Variants in SV2C observed in about 807,000 individuals in gnomAD.
SV2C encodes the protein solute carrier family 22 member B3.
A neutral mutation model predicts 79.7 loss-of-function variants in SV2C; 49 were observed. That is an observed-to-expected ratio of 0.61 (90% CI 0.49 to 0.78). The LOEUF (loss-of-function observed/expected upper bound fraction) is 0.78, where lower values mean the gene tolerates loss of function less well. Among genes scored for constraint, SV2C ranks in the 30% least tolerant of loss-of-function variants. SV2C has a pLI of 0.00. For missense variants in SV2C, 833 were observed against 912.9 expected (o/e 0.91, Z 1.13); for synonymous variants, 334 against 333.2 (o/e 1.00, Z -0.03).
chr5:75,933,677 G>T, the SV2C span, among the ~76,000 whole-genome samples: 77 of 152,340 alleles, frequency 5.1e-4, no homozygotes, highest in East Asian at 0.011. Context: ...TCTGCATGCA[G>T]CAGGAACCAT....
At chr5:76,110,661 A>T (rs2112138229) in intron 1 of SV2C, among the ~76,000 whole-genome samples, 1 of 152,348 alleles carries the variant, frequency 6.6e-6, no homozygotes, top group South Asian at 2.1e-4. Flanking sequence ...TGGGCACAGG[A>T]GCCAGCCTAG....
At chr5:75,945,019 A>G in the SV2C span, among the ~76,000 whole-genome samples, 1 of 152,294 alleles carries the variant, frequency 6.6e-6, no homozygotes, top group Non-Finnish European at 1.5e-5. Flanking sequence ...CCAGGAAATA[A>G]TAATCAACAG....
chr5:76,324,004 C>G (rs1380768658), intron 12 of SV2C, among the ~76,000 whole-genome samples: 1 of 152,040 alleles, frequency 6.6e-6, no homozygotes, highest in African/African-American at 2.4e-5. Flanking sequence ...TATCTCGGAA[C>G]TGAAAGTAAA....
the SV2C span, among the ~76,000 whole-genome samples, chr5:75,862,360 A>G: frequency 1.1e-4 from 16 of 152,210 alleles, no homozygotes; most frequent in Non-Finnish European, 2.4e-4. Context: ...GACAGAAACT[A>G]TGTGGACCTA....
At chr5:76,212,405 G>A (rs1335043217) in intron 4 of SV2C, among the ~76,000 whole-genome samples, 1 of 152,004 alleles carries the variant, frequency 6.6e-6, no homozygotes, top group Non-Finnish European at 1.5e-5. Context: ...TACTCACAGA[G>A]GGCTCAACCT....
chr5:75,952,343 C>A, the SV2C span, among the ~76,000 whole-genome samples: 1 of 151,176 alleles, frequency 6.6e-6, no homozygotes, highest in Non-Finnish European at 1.5e-5. Context: ...CTTTCACTGG[C>A]TTCTCTTTCA....
chr5:75,935,891 A>G, the SV2C span, among the ~76,000 whole-genome samples: 20 of 152,302 alleles, frequency 1.3e-4, no homozygotes, highest in Admixed American at 1.2e-3. Context: ...ATCCACACAT[A>G]AGTTACTGTT....
the SV2C span, among the ~76,000 whole-genome samples, chr5:76,003,929 C>CAG: frequency 6.6e-6 from 1 of 151,836 alleles, no homozygotes; most frequent in African/African-American, 2.4e-5. Flanking sequence ...GCACAGGCTC[C>CAG]AGAGAGAAAC....
At chr5:76,016,538 T>C in the SV2C span, among the ~76,000 whole-genome samples, 2 of 152,304 alleles carry the variant, frequency 1.3e-5, no homozygotes, top group Middle Eastern at 3.4e-3. Context: ...CTCAGTATCT[T>C]ACTATCTCCA....
chr5:75,898,316 T>G, the SV2C span, among the ~76,000 whole-genome samples: 1 of 152,240 alleles, frequency 6.6e-6, no homozygotes, highest in Non-Finnish European at 1.5e-5. Flanking sequence ...TCTGCATCTA[T>G]TGAGATAATC....
chr5:75,975,105 G>A, the SV2C span, among the ~76,000 whole-genome samples: 2 of 152,070 alleles, frequency 1.3e-5, no homozygotes, highest in African/African-American at 2.4e-5. Flanking sequence ...GAAAGCATGC[G>A]ACATCTGACC....
chr5:75,959,650 G>C, the SV2C span, among the ~76,000 whole-genome samples: 5 of 151,840 alleles, frequency 3.3e-5, no homozygotes, highest in Non-Finnish European at 7.4e-5. Flanking sequence ...GATAATTGGG[G>C]GAAATATCAA....
chr5:75,932,674 T>C, the SV2C span, among the ~76,000 whole-genome samples: 1 of 152,246 alleles, frequency 6.6e-6, no homozygotes, highest in South Asian at 2.1e-4. Context: ...GCTCCTGCTA[T>C]TGTCTGTGGT....
chr5:75,914,707 T>C, the SV2C span, among the ~76,000 whole-genome samples: 1 of 152,224 alleles, frequency 6.6e-6, no homozygotes, highest in African/African-American at 2.4e-5. Flanking sequence ...TATTATAATA[T>C]AAAATTGATC....
the SV2C span, among the ~76,000 whole-genome samples, chr5:75,955,644 C>T: frequency 1.4e-5 from 2 of 148,094 alleles, no homozygotes; most frequent in Admixed American, 6.7e-5. Flanking sequence ...ACAACCTACT[C>T]ATCTGACAAA....
Position 76,132,221 on chromosome 5 carries a change from C to T in SV2C, c.471C>T (p.Val157=). Residue 157 remains valine, a synonymous_variant, in exon 2 of 13, where the codon GTC becomes GTT. Transcript: ENST00000502798. ...HGRFQWALFF[V]LGMALMADGV... ...GTTTTCAGTGGGCCCTTTTCTTCGT[C>T]CTGGGCATGGCTCTTATGGCAGACG... The T allele has an allele frequency of 6.2e-7, 1 of 1,614,100 alleles. No individual in the cohort carries two copies.
chr5:76,238,870 C>T (rs1745696811), intron 4 of SV2C, among the ~76,000 whole-genome samples: 1 of 152,186 alleles, frequency 6.6e-6, no homozygotes, highest in Admixed American at 6.5e-5. Flanking sequence ...AACTCATTTT[C>T]TTTCTGATTG....
chr5:76,160,462 C>T (rs1742865470), intron 2 of SV2C, among the ~76,000 whole-genome samples: 1 of 152,094 alleles, frequency 6.6e-6, no homozygotes, highest in African/African-American at 2.4e-5. Flanking sequence ...ATGCCAAGAC[C>T]ATCTAATGTA....
At chr5:76,054,545 TC>T in the SV2C span, among the ~76,000 whole-genome samples, 1 of 152,214 alleles carries the variant, frequency 6.6e-6, no homozygotes, top group Non-Finnish European at 1.5e-5. Context: ...TATTTCTGGT[TC>T]TAGATCCTTG....
Sources: allele counts gnomAD v4.1 joint callset (sites outside exome capture counted in the v4.1 genomes callset), GRCh38; gene constraint gnomAD v4.1.1; transcripts MANE v1.5; gene names NCBI Gene and HGNC (gene_info 2026-07-23, HGNC 2026-07-21).